Variants in CHRNA7 observed in about 807,000 individuals in gnomAD.
The protein encoded by CHRNA7 is neuronal acetylcholine receptor subunit alpha-7.
CHRNA7 carries 17 observed loss-of-function variants against 48.0 expected under a neutral mutation model. The ratio of observed to expected loss-of-function variants is 0.35; its 90% CI spans 0.24 to 0.53. The LOEUF is 0.53. CHRNA7 is among the 20% of genes least tolerant of loss of function. The pLI, the probability that CHRNA7 is intolerant of heterozygous loss-of-function variation, is 0.92. For synonymous variants in CHRNA7, 75 were observed against 242.3 expected, an observed-to-expected ratio of 0.31 and a Z score of 6.41; for missense variants, 155 against 577.7, an observed-to-expected ratio of 0.27 and a Z score of 7.50.
intron 2 of CHRNA7, 121 bp from the exon 3 acceptor site, chr15:32,101,182 G>A: frequency 1.0e-5 from 10 of 963,360 alleles, no homozygotes; most frequent in Non-Finnish European, 1.3e-5. Flanking sequence ...AGTGCTTGGT[G>A]CATTCTAATT....
chr15:32,032,404 G>GTC (rs1251597633), intron 2 of CHRNA7, among the ~76,000 whole-genome samples: 3 of 152,010 alleles, frequency 2.0e-5, no homozygotes, highest in Non-Finnish European at 4.4e-5. Context: ...CTGCTGTTAG[G>GTC]TAAGTTTCTT....
chr15:32,073,020 A>G (rs111281107), intron 2 of CHRNA7, among the ~76,000 whole-genome samples: 5 of 152,292 alleles, frequency 3.3e-5, no homozygotes, highest in South Asian at 2.1e-4. Flanking sequence ...GAAGGGGGCA[A>G]CCATCCGCCA....
chr15:32,060,618 C>T (rs762438583), intron 2 of CHRNA7, among the ~76,000 whole-genome samples: 1 of 152,128 alleles, frequency 6.6e-6, no homozygotes, highest in Non-Finnish European at 1.5e-5. Flanking sequence ...CAATCTTATC[C>T]GTAATCACCA....
intron 2 of CHRNA7, among the ~76,000 whole-genome samples, chr15:32,055,904 G>A (rs1039831084): frequency 1.3e-5 from 2 of 151,950 alleles, no homozygotes; most frequent in Non-Finnish European, 2.9e-5. Flanking sequence ...GCGTGAACCC[G>A]GGAGGCGGAG....
chr15:32,139,580 A>G (rs1184707672), intron 4 of CHRNA7, among the ~76,000 whole-genome samples: 1 of 106,716 alleles, frequency 9.4e-6, no homozygotes, highest in Non-Finnish European at 2.0e-5. Context: ...GTGGTGTCTC[A>G]GTTTTTTTTT....
At chr15:32,114,961 G>C (rs996915057) in intron 4 of CHRNA7, among the ~76,000 whole-genome samples, 26 of 152,246 alleles carry the variant, frequency 1.7e-4, no homozygotes, top group African/African-American at 5.3e-4. Context: ...CAGCCATTCA[G>C]CTGGGGACTG....
intron 2 of CHRNA7, among the ~76,000 whole-genome samples, chr15:32,059,673 GAT>G (rs2049844190): frequency 6.6e-6 from 1 of 152,100 alleles, no homozygotes; most frequent in Non-Finnish European, 1.5e-5. Context: ...GAGTCTAACA[GAT>G]ATCTCAGAAA....
chr15:32,090,669 T>C (rs941861872), intron 2 of CHRNA7, among the ~76,000 whole-genome samples: 6 of 146,336 alleles, frequency 4.1e-5, no homozygotes, highest in African/African-American at 1.5e-4. Flanking sequence ...TTTTTTTTTT[T>C]CTGTTGTTAT....
intron 4 of CHRNA7, among the ~76,000 whole-genome samples, chr15:32,144,925 G>A (rs773423129): frequency 4.4e-4 from 67 of 152,136 alleles, no homozygotes; most frequent in African/African-American, 1.2e-3. Context: ...CTGTCAACTC[G>A]TCAAAGTCAT....
At chr15:32,051,086 G>A (rs562102510) in intron 2 of CHRNA7, among the ~76,000 whole-genome samples, 13 of 151,838 alleles carry the variant, frequency 8.6e-5, no homozygotes, top group South Asian at 4.2e-4. Context: ...TAGGCTGCTC[G>A]GGGGTCAGGG....
chr15:32,111,765 C>G (rs1171408525), intron 3 of CHRNA7, 25 bp from the exon 4 acceptor site: 1 of 1,402,440 alleles, frequency 7.1e-7, no homozygotes. Flanking sequence ...AAGTGAAGTG[C>G]TGCTAATGTC....
At chr15:32,152,229 G>A (rs1294931551) in intron 4 of CHRNA7, among the ~76,000 whole-genome samples, 1 of 152,092 alleles carries the variant, frequency 6.6e-6, no homozygotes, top group Non-Finnish European at 1.5e-5. Context: ...TGGATCACGA[G>A]GCCAGGAGTT....
chr15:32,106,189 G>A (rs990103673), intron 3 of CHRNA7, among the ~76,000 whole-genome samples: 9 of 152,208 alleles, frequency 5.9e-5, no homozygotes, highest in Non-Finnish European at 1.3e-4. Context: ...CCAGGGTTCT[G>A]AGGGGGGTGC....
In CHRNA7 at chr15:32,061,578, G is replaced by C. The variant is rs563705333; in HGVS notation, c.195+30541G>C. Among the ~76,000 whole-genome samples, 6 of 152,212 alleles carry C rather than the reference G, an allele frequency of 3.9e-5. No homozygotes were observed. The East Asian group carries it at 5.8e-4, about 15-fold the overall frequency. Reference sequence around the variant, plus strand: ...ATTCCAGCCCTTTGGGAGGCCGAGGGGGGTGAATCACTTGAGGTAAGGAAT... The same window carrying C: ...ATTCCAGCCCTTTGGGAGGCCGAGGCGGGTGAATCACTTGAGGTAAGGAAT... On this transcript the variant is annotated intron_variant, in intron 2 of 9. Coordinates refer to ENST00000306901, the MANE Select transcript of CHRNA7 (RefSeq NM_000746.6).
intron 4 of CHRNA7, among the ~76,000 whole-genome samples, chr15:32,129,713 G>A (rs2051124869): frequency 6.7e-6 from 1 of 150,208 alleles, no homozygotes; most frequent in Admixed American, 6.6e-5. Flanking sequence ...TCTCTTCTCC[G>A]TGTCAGTGAT....
At chr15:32,116,694 C>G (rs1415421321) in intron 4 of CHRNA7, among the ~76,000 whole-genome samples, 3 of 152,222 alleles carry the variant, frequency 2.0e-5, no homozygotes, top group African/African-American at 7.2e-5. Flanking sequence ...GCCCCTACAC[C>G]GTGCAGAGAC....
intron 2 of CHRNA7, among the ~76,000 whole-genome samples, chr15:32,062,307 T>A (rs2049892160): frequency 6.6e-6 from 1 of 152,234 alleles, no homozygotes; most frequent in Non-Finnish European, 1.5e-5. Flanking sequence ...AATTACATAA[T>A]CATTTTTGTT....
intron 4 of CHRNA7, among the ~76,000 whole-genome samples, chr15:32,143,978 T>A (rs935564618): frequency 1.3e-5 from 2 of 152,198 alleles, no homozygotes; most frequent in African/African-American, 4.8e-5. Context: ...TAGCTGATTA[T>A]TTTGCCTGTT....
rs994918783 is a variant in CHRNA7, at chr15:32,031,119, C to T, written c.195+82C>T. 5.5e-5 allele frequency: 86 copies of T among 1,551,946 alleles called. No individual in the cohort carries two copies. The African/African-American group carries it at 9.7e-4, about 17-fold the overall frequency. On this transcript the variant is annotated intron_variant, in intron 2 of 9. Transcript: ENST00000306901. ...TTTTAGACAGCGTCGGGCGGCCAGGCGGTGGAGCTCGGCTGGGGCACTCTA... is the reference window on the plus strand; with the variant it reads ...TTTTAGACAGCGTCGGGCGGCCAGGTGGTGGAGCTCGGCTGGGGCACTCTA...
Sources: allele counts gnomAD v4.1 joint callset (sites outside exome capture counted in the v4.1 genomes callset), GRCh38; gene constraint gnomAD v4.1.1; transcripts MANE v1.5; gene names NCBI Gene and HGNC (gene_info 2026-07-23, HGNC 2026-07-21).